Variants in CSMD1 observed in about 807,000 individuals in gnomAD.
CSMD1 encodes CUB and sushi domain-containing protein 1.
In CSMD1, 213 loss-of-function variants were observed where a neutral mutation model predicts 417.5. The observed-to-expected ratio is 0.51, with a 90% CI of 0.46 to 0.57. CSMD1 has a LOEUF of 0.57. Ranked by LOEUF, CSMD1 falls within the 20% of genes least tolerant of loss-of-function variation. The probability of loss-of-function intolerance (pLI) is 0.00; values close to 1 mark genes in which losing one functional copy is unlikely to be tolerated. For synonymous variants in CSMD1, 2,862 were observed against 1,736.8 expected (o/e 1.65, Z -16.11); for missense variants, 6,923 against 4,529.7 (o/e 1.53, Z -15.17).
At chr8:3,938,810 A>T (rs1810677649) in intron 5 of CSMD1, among the ~76,000 whole-genome samples, 1 of 152,156 alleles carries the variant, frequency 6.6e-6, no homozygotes, top group Admixed American at 6.6e-5. Flanking sequence ...TTCTTCAGTA[A>T]AATATTTAGC....
intron 37 of CSMD1, among the ~76,000 whole-genome samples, chr8:3,166,876 T>C (rs999888666): frequency 5.3e-5 from 8 of 152,224 alleles, no homozygotes; most frequent in Non-Finnish European, 7.3e-5. Context: ...AGCTGTCTTA[T>C]TGTTTAGGAA....
intron 1 of CSMD1, among the ~76,000 whole-genome samples, chr8:4,819,941 A>T (rs1799426748): frequency 6.6e-6 from 1 of 152,192 alleles, no homozygotes; most frequent in Non-Finnish European, 1.5e-5. Context: ...AATTTTTGAA[A>T]TATCTACTTA....
chr8:3,621,132 G>A (rs1320176938), intron 7 of CSMD1, among the ~76,000 whole-genome samples: 1 of 152,138 alleles, frequency 6.6e-6, no homozygotes, highest in Non-Finnish European at 1.5e-5. Flanking sequence ...AACCAACCCT[G>A]CCCAAACCTT....
At chr8:4,580,555 G>T (rs551558041) in intron 2 of CSMD1, among the ~76,000 whole-genome samples, 2 of 152,032 alleles carry the variant, frequency 1.3e-5, no homozygotes, top group Non-Finnish European at 2.9e-5. Context: ...TCCCCATGTC[G>T]GGCGTCTCAT....
chr8:3,915,790 C>T (rs1808778452), intron 5 of CSMD1, among the ~76,000 whole-genome samples: 1 of 147,676 alleles, frequency 6.8e-6, no homozygotes, highest in Non-Finnish European at 1.5e-5. Context: ...ATTTTCGTAT[C>T]AATTTTATTA....
intron 5 of CSMD1, among the ~76,000 whole-genome samples, chr8:3,977,683 A>G (rs1286404057): frequency 6.6e-6 from 1 of 152,184 alleles, no homozygotes; most frequent in Admixed American, 6.5e-5. Context: ...AATGTGGTAA[A>G]TCACCAACTT....
At chr8:3,703,129 T>C (rs191811984) in intron 7 of CSMD1, among the ~76,000 whole-genome samples, 9 of 152,346 alleles carry the variant, frequency 5.9e-5, no homozygotes, top group Admixed American at 5.9e-4. Context: ...CAAACATTAC[T>C]GATTACAAGC....
intron 1 of CSMD1, among the ~76,000 whole-genome samples, chr8:4,929,087 AG>A (rs1176938533): frequency 4.6e-5 from 7 of 152,132 alleles, no homozygotes; most frequent in Non-Finnish European, 1.0e-4. Flanking sequence ...CAACAAAAAA[AG>A]GCCTTTAGGA....
At chr8:4,484,612 C>G (rs571575279) in intron 2 of CSMD1, among the ~76,000 whole-genome samples, 1 of 152,160 alleles carries the variant, frequency 6.6e-6, no homozygotes, top group East Asian at 1.9e-4. Context: ...CTGACGTGAC[C>G]TGCTCTATGA....
At chr8:4,105,254 C>G (rs980951442) in intron 3 of CSMD1, among the ~76,000 whole-genome samples, 1 of 152,052 alleles carries the variant, frequency 6.6e-6, no homozygotes, top group Non-Finnish European at 1.5e-5. Flanking sequence ...TATTGATCAA[C>G]GGCCGTATTC....
intron 5 of CSMD1, among the ~76,000 whole-genome samples, chr8:3,925,007 G>C (rs542285807): frequency 3.3e-5 from 5 of 152,240 alleles, no homozygotes; most frequent in South Asian, 4.2e-4. Flanking sequence ...TGACTGGTAA[G>C]AGAAAGACTT....
intron 4 of CSMD1, among the ~76,000 whole-genome samples, chr8:4,021,273 C>G (rs1216838113): frequency 6.6e-6 from 1 of 152,196 alleles, no homozygotes; most frequent in African/African-American, 2.4e-5. Context: ...ATTAATTCTG[C>G]ATTAAAATTA....
intron 10 of CSMD1, among the ~76,000 whole-genome samples, chr8:3,523,754 C>T (rs1470273520): frequency 2.0e-5 from 3 of 151,380 alleles, no homozygotes; most frequent in African/African-American, 7.3e-5. Context: ...CATACACATG[C>T]ACACACACAT....
At chr8:3,194,680 C>G (rs28573927) in intron 33 of CSMD1, among the ~76,000 whole-genome samples, 102,920 of 150,280 alleles carry the variant, frequency 0.68, 35,932 homozygotes, top group Non-Finnish European at 0.76. Flanking sequence ...ATGTTAGCCA[C>G]GCTGGTCTCA....
At chr8:4,051,782 A>C (rs764471462) in intron 3 of CSMD1, among the ~76,000 whole-genome samples, 1 of 152,210 alleles carries the variant, frequency 6.6e-6, no homozygotes, top group African/African-American at 2.4e-5. Flanking sequence ...CCAGTGTCCC[A>C]GGTGTGATGG....
At chr8:3,598,810 C>G (rs1343775316) in intron 8 of CSMD1, among the ~76,000 whole-genome samples, 3 of 152,156 alleles carry the variant, frequency 2.0e-5, no homozygotes, top group Admixed American at 1.3e-4. Flanking sequence ...GGGCCAGGTG[C>G]AGTGACTCAC....
chr8:3,075,655 T>A (rs1813607668), intron 49 of CSMD1, among the ~76,000 whole-genome samples: 1 of 152,140 alleles, frequency 6.6e-6, no homozygotes, highest in South Asian at 2.1e-4. Context: ...AATAGCTTTA[T>A]ATCAGTTTTG....
intron 3 of CSMD1, among the ~76,000 whole-genome samples, chr8:4,166,294 A>C (rs1454885905): frequency 6.6e-6 from 1 of 152,216 alleles, no homozygotes; most frequent in Non-Finnish European, 1.5e-5. Context: ...TTCTTAATGG[A>C]ATATTTTGTA....
chr8:4,787,436 G>A, intron 1 of CSMD1: 2 of 760,124 alleles, frequency 2.6e-6, no homozygotes, highest in South Asian at 2.9e-5. Flanking sequence ...GATTACAGCA[G>A]GAAATGTAGC....
Sources: allele counts gnomAD v4.1 joint callset (sites outside exome capture counted in the v4.1 genomes callset), GRCh38; gene constraint gnomAD v4.1.1; transcripts MANE v1.5; gene names NCBI Gene and HGNC (gene_info 2026-07-23, HGNC 2026-07-21).